Variants in TNS3 observed in about 807,000 individuals in gnomAD.
TNS3 encodes the protein tensin 3, also known as tensin-3.
A neutral mutation model predicts 140.9 loss-of-function variants in TNS3; 45 were observed. That is an observed-to-expected ratio of 0.32 (90% CI 0.25 to 0.41). The LOEUF is 0.41. TNS3 is among the 10% of genes least tolerant of loss of function. The pLI is 1.00. For synonymous variants in TNS3, 815 were observed against 788.4 expected, an observed-to-expected ratio of 1.03 and a Z score of -0.56; for missense variants, 1,716 against 1,906.7, an observed-to-expected ratio of 0.90 and a Z score of 1.86.
At chr7:47,452,584 T>C (rs537413238) in intron 4 of TNS3, among the ~76,000 whole-genome samples, 47 of 152,296 alleles carry the variant, frequency 3.1e-4, no homozygotes, top group African/African-American at 1.1e-3. Flanking sequence ...CAGGCTGGTT[T>C]GGAACCATAT....
At chr7:47,388,345 T>G (rs1432672750) in intron 16 of TNS3, among the ~76,000 whole-genome samples, 4 of 152,100 alleles carry the variant, frequency 2.6e-5, no homozygotes, top group Non-Finnish European at 5.9e-5. Context: ...GGTTCATGTC[T>G]CAGGGAATCC....
chr7:47,513,421 G>A (rs1211002707), intron 2 of TNS3, among the ~76,000 whole-genome samples: 5 of 152,190 alleles, frequency 3.3e-5, no homozygotes, highest in Admixed American at 6.5e-5. Context: ...CTCCCGCCTC[G>A]GCGTCCCAAA....
intron 8 of TNS3, among the ~76,000 whole-genome samples, chr7:47,432,385 T>G (rs1388162254): frequency 1.3e-5 from 2 of 152,132 alleles, no homozygotes; most frequent in African/African-American, 4.8e-5. Flanking sequence ...CTCTGCAGAA[T>G]CCCCAACAGC....
At chr7:47,318,245 T>C (rs1197816094) in intron 20 of TNS3, among the ~76,000 whole-genome samples, 2 of 152,242 alleles carry the variant, frequency 1.3e-5, no homozygotes, top group East Asian at 1.9e-4. Context: ...TTCCATGTTG[T>C]AGTGCGTGTC....
intron 3 of TNS3, among the ~76,000 whole-genome samples, chr7:47,485,262 G>A (rs141800541): frequency 7.7e-4 from 118 of 152,356 alleles, no homozygotes; most frequent in Middle Eastern, 3.4e-3. Flanking sequence ...GGAGGCCCAC[G>A]GCTCATCCAA....
At chr7:47,543,284 C>T (rs892465436) in intron 1 of TNS3, among the ~76,000 whole-genome samples, 1 of 152,254 alleles carries the variant, frequency 6.6e-6, no homozygotes, top group African/African-American at 2.4e-5. Flanking sequence ...TGTTCAGGCA[C>T]ACTTGCATCT....
Position 47,442,040 on chromosome 7 carries a change from T to C in TNS3, c.-60A>G, listed in dbSNP as rs966154729. 10 of 1,283,296 alleles carry C rather than the reference T, an allele frequency of 7.8e-6. No homozygotes were observed. The African/African-American group carries it at 1.5e-4, about 20-fold the overall frequency. The allele number at this position is 1,283,296 out of a possible 1,614,324, so 79.5% of individuals were successfully genotyped here. On this transcript the variant is annotated 5_prime_UTR_variant, in exon 5 of 31. Transcript: ENST00000311160. ...TCACGGCAGAGAGAACTGGACAGCG[T>C]GGAACTCCCTGGAGCCTGCAAATAA...
intron 20 of TNS3, among the ~76,000 whole-genome samples, chr7:47,335,947 C>A (rs1380833873): frequency 6.6e-6 from 1 of 152,140 alleles, no homozygotes. Context: ...AGAGGACCCA[C>A]CAGACACCAC....
At chr7:47,559,008 A>G (rs7807054) in intron 1 of TNS3, among the ~76,000 whole-genome samples, 4 of 152,084 alleles carry the variant, frequency 2.6e-5, no homozygotes, top group African/African-American at 9.7e-5. Flanking sequence ...ACGCCCGTGT[A>G]TATAGACCTC....
intron 27 of TNS3, among the ~76,000 whole-genome samples, chr7:47,290,573 A>G (rs928071810): frequency 1.3e-5 from 2 of 152,242 alleles, no homozygotes; most frequent in Non-Finnish European, 2.9e-5. Context: ...GAAGATATAC[A>G]GATGGTAAAT....
At chr7:47,290,029 T>C (rs1280328172) in intron 27 of TNS3, among the ~76,000 whole-genome samples, 1 of 152,176 alleles carries the variant, frequency 6.6e-6, no homozygotes, top group Non-Finnish European at 1.5e-5. Context: ...AAATGTGATA[T>C]TGGTGAAAGA....
intron 16 of TNS3, among the ~76,000 whole-genome samples, chr7:47,370,861 G>A (rs542034967): frequency 6.6e-6 from 1 of 152,244 alleles, no homozygotes; most frequent in Non-Finnish European, 1.5e-5. Flanking sequence ...GGAGGGACCT[G>A]CCCTGAGCAT....
chr7:47,533,123 A>ATATATATATATATGTATTTTTTTTTTT (rs1186427934), intron 1 of TNS3, among the ~76,000 whole-genome samples: 1 of 88,828 alleles, frequency 1.1e-5, no homozygotes, highest in Non-Finnish European at 1.8e-5. Context: ...ATATATATAT[A>ATATATATATATATGTATTTTTTTTTTT]TTTTTTTTTT....
At position 47,368,538 on chromosome 7, in the gene TNS3, T is replaced by C. The variant is rs1202744863; in HGVS notation, c.2108A>G (p.Asn703Ser). ...GGGATCCAGCTCCAGGATCAGCCTGTTGAGCTGCTCGATGGACTGGTCGAT... is the reference window on the plus strand; with the variant it reads ...GGGATCCAGCTCCAGGATCAGCCTGCTGAGCTGCTCGATGGACTGGTCGAT... ...LDIDQSIEQL[N>S]RLILELDPTF... Residue 703 changes from asparagine (N) to serine (S), a missense_variant, in exon 17 of 31, where the codon AAC becomes AGC. Asn to Ser is a conservative substitution (Grantham distance 46). Coordinates refer to ENST00000311160, the MANE Select transcript of TNS3 (RefSeq NM_022748.12). 2.5e-6 allele frequency: 4 copies of C among 1,584,802 alleles called. No individual in the cohort carries two copies. The highest frequency in any genetic ancestry group is 2.6e-6 in the Non-Finnish European group (3 of 1,160,770).
chr7:47,296,548 AG>A (rs1265563921), intron 24 of TNS3, among the ~76,000 whole-genome samples: 1 of 152,344 alleles, frequency 6.6e-6, no homozygotes, highest in Admixed American at 6.5e-5. Flanking sequence ...AAAAGGATTC[AG>A]GCAGGCATAG....
intron 1 of TNS3, among the ~76,000 whole-genome samples, chr7:47,581,816 G>A (rs986307053): frequency 2.0e-5 from 3 of 148,990 alleles, no homozygotes; most frequent in Non-Finnish European, 1.5e-5. Context: ...CCGGGTCCCC[G>A]CGCTCCCTAA....
chr7:47,383,114 A>C (rs546003419), intron 16 of TNS3, among the ~76,000 whole-genome samples: 1 of 152,324 alleles, frequency 6.6e-6, no homozygotes, highest in Non-Finnish European at 1.5e-5. Flanking sequence ...ACAGACAAGA[A>C]TGTTCACAGG....
At chr7:47,314,566 C>T (rs1262576799) in intron 20 of TNS3, among the ~76,000 whole-genome samples, 2 of 152,190 alleles carry the variant, frequency 1.3e-5, no homozygotes, top group Non-Finnish European at 2.9e-5. Context: ...AGAAATGTGG[C>T]TCACCATAAG....
intron 13 of TNS3, among the ~76,000 whole-genome samples, chr7:47,411,265 A>G (rs1017450384): frequency 6.6e-6 from 1 of 152,214 alleles, no homozygotes; most frequent in Admixed American, 6.5e-5. Context: ...CAGAAAGTTA[A>G]CTAAATGCCT....
Sources: allele counts gnomAD v4.1 joint callset (sites outside exome capture counted in the v4.1 genomes callset), GRCh38; gene constraint gnomAD v4.1.1; transcripts MANE v1.5; gene names NCBI Gene and HGNC (gene_info 2026-07-23, HGNC 2026-07-21).